The following PDE10A variants were observed in gnomAD, a reference collection of about 807,000 sequenced individuals.
PDE10A encodes cAMP and cAMP-inhibited cGMP 3',5'-cyclic phosphodiesterase 10A.
A neutral mutation model predicts 97.7 loss-of-function variants in PDE10A; 39 were observed. The observed-to-expected ratio is 0.40, with a 90% CI of 0.31 to 0.52. PDE10A has a LOEUF of 0.52. Ranked by LOEUF, PDE10A falls within the 20% of genes least tolerant of loss-of-function variation. PDE10A has a pLI of 0.56. For missense variants in PDE10A, 731 were observed against 1,047.8 expected (o/e 0.70, Z 4.17); for synonymous variants, 371 against 376.8 (o/e 0.98, Z 0.18).
At chr6:165,585,892 TC>T (rs966400544) in intron 1 of PDE10A, among the ~76,000 whole-genome samples, 12 of 151,836 alleles carry the variant, frequency 7.9e-5, no homozygotes, top group African/African-American at 1.9e-4. Flanking sequence ...GCATCCAACA[TC>T]CCCCCCTTGC....
At chr6:165,965,155 A>G (rs1784473985) in intron 1 of PDE10A, among the ~76,000 whole-genome samples, 2 of 152,248 alleles carry the variant, frequency 1.3e-5, no homozygotes, top group Non-Finnish European at 2.9e-5. Context: ...GGGAAACCAG[A>G]GTTGTCCAAG....
chr6:165,411,494 C>G (rs1787831302), intron 13 of PDE10A, among the ~76,000 whole-genome samples: 1 of 152,142 alleles, frequency 6.6e-6, no homozygotes, highest in African/African-American at 2.4e-5. Flanking sequence ...CCAAGGAAAA[C>G]AGGCTTCAGG....
intron 1 of PDE10A, among the ~76,000 whole-genome samples, chr6:165,957,216 C>T (rs912260935): frequency 1.3e-5 from 2 of 152,130 alleles, no homozygotes; most frequent in African/African-American, 2.4e-5. Context: ...CCAGTGGGCT[C>T]GTGACTATAA....
intron 1 of PDE10A, among the ~76,000 whole-genome samples, chr6:165,963,378 G>A (rs2128498897): frequency 6.6e-6 from 1 of 152,308 alleles, no homozygotes; most frequent in Non-Finnish European, 1.5e-5. Context: ...GGCCTAGTAG[G>A]AGCTGCTATC....
At chr6:165,431,571 C>A (rs1419459804) in intron 7 of PDE10A, 99 bp from the exon 8 acceptor site, 3 of 345,788 alleles carry the variant, frequency 8.7e-6, no homozygotes, top group African/African-American at 2.3e-5. Context: ...TAATACATAA[C>A]ATATATATAC....
At chr6:165,395,904 TA>T (rs1238760698) in intron 14 of PDE10A, among the ~76,000 whole-genome samples, 2 of 152,160 alleles carry the variant, frequency 1.3e-5, no homozygotes, top group African/African-American at 4.8e-5. Flanking sequence ...AACATAGGGT[TA>T]AAAAATACAG....
At chr6:165,402,295 T>G (rs1221436010) in intron 13 of PDE10A, among the ~76,000 whole-genome samples, 1 of 152,118 alleles carries the variant, frequency 6.6e-6, no homozygotes, top group African/African-American at 2.4e-5. Context: ...TCATTTATTT[T>G]TATATTTGTA....
intron 1 of PDE10A, among the ~76,000 whole-genome samples, chr6:165,634,555 C>T (rs1788785762): frequency 6.6e-6 from 1 of 152,044 alleles, no homozygotes; most frequent in Non-Finnish European, 1.5e-5. Flanking sequence ...ACAAAGATAG[C>T]ATGCATTAAA....
Position 165,893,281 on chromosome 6 carries a change from G to A in PDE10A, c.-615+94248C>T, listed in dbSNP as rs1007599708. 7.2e-5 allele frequency among the ~76,000 whole-genome samples: 11 copies of A among 152,134 alleles called. No individual in the cohort carries two copies. In the East Asian group the frequency reaches 1.5e-3, roughly 21 times the overall value. On this transcript the variant is annotated intron_variant, in intron 1 of 19. Transcript: ENST00000366882. ...CTTCAGATTTTGCCCCTCGCCCTGC[G>A]AATGCCCTTTTTTTGGTCCACATTA...
intron 1 of PDE10A, among the ~76,000 whole-genome samples, chr6:165,656,254 TCTCTCACACACACA>T (rs1388977984): frequency 7.9e-5 from 8 of 101,078 alleles, no homozygotes; most frequent in Non-Finnish European, 1.6e-4. Flanking sequence ...TCTCTCTCTC[TCTCTCACACACACA>T]CACACACACA....
rs1266939843 is a variant in PDE10A, at chr6:165,711,960, T to C, written c.-614-168392A>G. Reference sequence around the variant, plus strand: ...AAGTGTTTAATATTTGAAAGAAACATCCAACTCTTGGACCCCACAGGTGGC... The same window carrying C: ...AAGTGTTTAATATTTGAAAGAAACACCCAACTCTTGGACCCCACAGGTGGC... On this transcript the variant is annotated intron_variant, in intron 1 of 19. Coordinates refer to the PDE10A transcript ENST00000366882. The surrounding 1 kb of genome is among the most constrained non-coding windows in gnomAD (Gnocchi z 4.5). Among the ~76,000 whole-genome samples the C allele has an allele frequency of 6.6e-6, 1 of 152,148 alleles. No homozygotes were observed. Among genetic ancestry groups the C allele is most frequent in the Non-Finnish European group, 1.5e-5 (1 of 68,030 alleles).
At chr6:165,803,593 T>TA (rs1416545064) in intron 1 of PDE10A, among the ~76,000 whole-genome samples, 1 of 152,228 alleles carries the variant, frequency 6.6e-6, no homozygotes, top group Non-Finnish European at 1.5e-5. Flanking sequence ...GCTTGTAACC[T>TA]AGCCTGGAAC....
chr6:165,581,454 A>G (rs924851196), intron 1 of PDE10A, among the ~76,000 whole-genome samples: 4 of 152,120 alleles, frequency 2.6e-5, no homozygotes, highest in Admixed American at 1.3e-4. Flanking sequence ...CTCTCAAAAC[A>G]TTTCTCTTGT....
chr6:165,954,454 T>G (rs901509838), intron 1 of PDE10A, among the ~76,000 whole-genome samples: 5 of 152,180 alleles, frequency 3.3e-5, no homozygotes, highest in Admixed American at 3.3e-4. Flanking sequence ...AACGTCTACC[T>G]ACGGGTAAGA....
rs530986071 is a variant in PDE10A at position 165,477,908 on chromosome 6, T to C, written c.1023+4407A>G. On this transcript the variant is annotated intron_variant, in intron 3 of 21. Coordinates refer to ENST00000539869, the MANE Select transcript of PDE10A (RefSeq NM_001385079.1). ...CACTGATTTCTCCTTCTTTCTCTCC[T>C]CTGCTGACTTTCCACATCTTCTCCA... is the stretch of plus-strand genomic sequence containing the variant. Among the ~76,000 whole-genome samples the C allele has an allele frequency of 2.0e-5, 3 of 152,288 alleles. No homozygotes were observed. In the South Asian group the frequency reaches 6.2e-4, roughly 32 times the overall value.
chr6:165,596,692 T>C (rs1373047602), intron 1 of PDE10A, among the ~76,000 whole-genome samples: 1 of 152,128 alleles, frequency 6.6e-6, no homozygotes, highest in East Asian at 1.9e-4. Flanking sequence ...ATTGTACCAC[T>C]GCACTCAGCC....
intron 2 of PDE10A, among the ~76,000 whole-genome samples, chr6:165,529,784 G>C (rs531959184): frequency 2.0e-5 from 3 of 152,322 alleles, no homozygotes; most frequent in South Asian, 4.1e-4. Context: ...GCTGTATTAT[G>C]TTAGGCGTAA....
At chr6:165,889,462 C>G (rs1781715768) in intron 1 of PDE10A, among the ~76,000 whole-genome samples, 1 of 152,194 alleles carries the variant, frequency 6.6e-6, no homozygotes, top group Admixed American at 6.5e-5. Flanking sequence ...TTGGCTCTGC[C>G]ACACCATTGG....
chr6:165,784,718 G>A (rs1425142220), intron 1 of PDE10A, among the ~76,000 whole-genome samples: 1 of 152,188 alleles, frequency 6.6e-6, no homozygotes, highest in Non-Finnish European at 1.5e-5. Flanking sequence ...GACAGCCAGA[G>A]ACACTGAGAC....
Sources: allele counts gnomAD v4.1 joint callset (sites outside exome capture counted in the v4.1 genomes callset), GRCh38; gene constraint gnomAD v4.1.1; non-coding constraint Gnocchi (gnomAD v3.1); transcripts MANE v1.5; gene names NCBI Gene and HGNC (gene_info 2026-07-23, HGNC 2026-07-21).